Variants in SYDE1 observed in about 807,000 individuals in gnomAD.
SYDE1 encodes the protein rho GTPase-activating protein SYDE1.
SYDE1 carries 34 observed loss-of-function variants against 63.3 expected under a neutral mutation model. The observed-to-expected ratio is 0.54, with a 90% CI of 0.41 to 0.71. SYDE1 has a LOEUF of 0.71. Ranked by LOEUF, SYDE1 falls within the 30% of genes least tolerant of loss-of-function variation. The probability of loss-of-function intolerance (pLI) is 0.00; values close to 1 mark genes in which losing one functional copy is unlikely to be tolerated. For missense variants in SYDE1, 925 were observed against 1,042.5 expected, an observed-to-expected ratio of 0.89 and a Z score of 1.55; for synonymous variants, 467 against 473.4, an observed-to-expected ratio of 0.99 and a Z score of 0.18.
intron 1 of SYDE1, 56 bp downstream of exon 1, chr19:15,107,577 G>T: frequency 7.5e-7 from 1 of 1,332,804 alleles, no homozygotes; most frequent in Non-Finnish European, 1.0e-6. Context: ...GCCTGGGAGC[G>T]GGGTCCCAGG....
rs1160661116 is a variant in SYDE1, at chr19:15,111,869, C to T, written c.1578+77C>T. On this transcript the variant is annotated intron_variant, in intron 6 of 7. Transcript: ENST00000342784. This position sits in a 1 kb window ranked among gnomAD's most constrained non-coding sequence, Gnocchi z 5.5. ...TAGAATGTTTCACCCATGCCTGGGCCTGAGATGGGCATGAGCTGGCAGCAT... is the reference window on the plus strand; with the variant it reads ...TAGAATGTTTCACCCATGCCTGGGCTTGAGATGGGCATGAGCTGGCAGCAT... The T allele has an allele frequency of 1.0e-5, 14 of 1,394,430 alleles. No individual in the cohort carries two copies. The highest frequency in any genetic ancestry group is 2.9e-5 in the African/African-American group (2 of 69,138). 86.4% of individuals were successfully genotyped at this position (1,394,430 alleles called of 1,614,324 possible).
rs1341442437 is a variant in SYDE1 at position 15,113,580 on chromosome 19, T to C, written c.1825T>C (p.Ser609Pro). The part of the protein sequence containing the change: ...SWPDPRLPRQ[S>P]PDVAPYLRPK... ...TTCAGATCCCCGCCTGCCCCGACAA[T>C]CTCCAGATGTCGCGCCTTACTTGCG... The change falls in exon 8 of 8, where the codon TCT (serine) becomes CCT (proline). Residue 609 changes from serine (S) to proline (P), a missense_variant. Transcript: ENST00000342784. 7 of 1,567,166 alleles carry C rather than the reference T, an allele frequency of 4.5e-6. 1 individual carries two copies. In the South Asian group the frequency reaches 7.1e-5, roughly 16 times the overall value.
At chr19:15,113,410 T>G in intron 7 of SYDE1, 150 bp from the exon 8 acceptor site, 1 of 889,268 alleles carries the variant, frequency 1.1e-6, no homozygotes, top group Non-Finnish European at 1.7e-6. Flanking sequence ...AGAGGCCTAG[T>G]TGCGTAAGCA....
Position 15,112,556 on chromosome 19 carries a change from C to G in SYDE1, c.1789C>G (p.Leu597Val), listed in dbSNP as rs1438212293. ...KHHIEVLHYL[L>V]QSWPDPRLPR... Reference sequence around the variant, plus strand: ...CCACATCGAGGTGCTGCACTACCTGCTGCAGTCTTGGCCAGGTGAGTTCAT... The same window carrying G: ...CCACATCGAGGTGCTGCACTACCTGGTGCAGTCTTGGCCAGGTGAGTTCAT... Residue 597 changes from leucine (L) to valine (V), a missense_variant, in exon 7 of 8, where the codon CTG becomes GTG. Physicochemically the swap from Leu to Val is conservative, Grantham distance 32 (BLOSUM62 1). Transcript: ENST00000342784. 2 of 1,584,110 alleles carry G rather than the reference C, an allele frequency of 1.3e-6. No homozygotes were observed. Among genetic ancestry groups the G allele is most frequent in the Non-Finnish European group, 1.7e-6 (2 of 1,164,484 alleles).
At position 15,113,710 on chromosome 19, in the gene SYDE1, C is replaced by T; in HGVS notation, c.1955C>T (p.Ala652Val). ...GAAAGCCCCCCGAGCAACCGCTACGCCGGCGACTGGAGCGTTTGCGGGCGG... is the reference window on the plus strand; with the variant it reads ...GAAAGCCCCCCGAGCAACCGCTACGTCGGCGACTGGAGCGTTTGCGGGCGG... ...GPESPPSNRY[A>V]GDWSVCGRDF... Residue 652 changes from alanine to valine, a missense_variant, in exon 8 of 8, where the codon GCC becomes GTC. This residue lies in a region of SYDE1 where 255 missense variants were observed against 255.9 expected (regional missense o/e 1.00). Transcript: ENST00000342784. The T allele has an allele frequency of 6.2e-7, 1 of 1,613,556 alleles. No individual in the cohort carries two copies. The highest frequency in any genetic ancestry group is 8.5e-7 in the Non-Finnish European group (1 of 1,179,842).
At position 15,112,541 on chromosome 19, in the gene SYDE1, G is replaced by T; in HGVS notation, c.1774G>T (p.Val592Leu). The change falls in exon 7 of 8, where the codon GTG (valine) becomes TTG (leucine). Residue 592 changes from valine to leucine, a missense_variant. Transcript: ENST00000342784. ...AGTGGACTTCAAGCACCACATCGAG[G>T]TGCTGCACTACCTGCTGCAGTCTTG... is the stretch of plus-strand genomic sequence containing the variant. ...SAVDFKHHIE[V>L]LHYLLQSWPD... The T allele has an allele frequency of 6.3e-7, 1 of 1,596,490 alleles. No homozygotes were observed. Among genetic ancestry groups the T allele is most frequent in the Non-Finnish European group, 8.5e-7 (1 of 1,171,486 alleles).
In SYDE1 at chr19:15,112,435, C is replaced by T. The variant is rs771220965; in HGVS notation, c.1668C>T (p.Cys556=). 4.4e-6 allele frequency: 7 copies of T among 1,601,922 alleles called. No individual in the cohort carries two copies. Among genetic ancestry groups the T allele is most frequent in the Non-Finnish European group, 6.0e-6 (7 of 1,174,782 alleles). ...TGACCCCACAGAACTTGGCCGTGTG[C>T]TTCGGGCCTGTGCTGCTGCCGGCAC... is the stretch of plus-strand genomic sequence containing the variant. ...NRMTPQNLAV[C]FGPVLLPARQ... The change falls in exon 7 of 8, where the codon TGC becomes TGT. Residue 556 remains cysteine (C), a synonymous_variant. Transcript: ENST00000342784.
rs977801834 is a variant in SYDE1, at chr19:15,112,376, C to T, written c.1609C>T (p.Arg537Cys). 1.6e-5 allele frequency: 25 copies of T among 1,583,418 alleles called. No homozygotes were observed. Among genetic ancestry groups the T allele is most frequent in the South Asian group, 1.2e-4 (10 of 86,756 alleles). Residue 537 changes from arginine to cysteine, a missense_variant, in exon 7 of 8, where the codon CGC becomes TGC. Transcript: ENST00000342784. The part of the protein sequence containing the change: ...ATLTLLLDHL[R>C]LVSSFHAYNR... ...GCTGACGCTTCTCCTGGACCACCTG[C>T]GCCTCGTCTCCTCCTTCCATGCCTA... is the stretch of plus-strand genomic sequence containing the variant.
At chr19:15,113,335 A>T (rs2046357967) in intron 7 of SYDE1, among the ~76,000 whole-genome samples, 3 of 152,182 alleles carry the variant, frequency 2.0e-5, no homozygotes, top group African/African-American at 7.2e-5. Context: ...TCCAGGCATG[A>T]TCCACAGACC....
chr19:15,109,346 C>G lies in SYDE1; in HGVS notation c.379C>G (p.Pro127Ala). The G allele has an allele frequency of 6.3e-7, 1 of 1,594,916 alleles. No homozygotes were observed. The highest frequency in any genetic ancestry group is 1.7e-4 in the Middle Eastern group (1 of 5,946). Residue 127 changes from proline (P) to alanine (A), a missense_variant, in exon 2 of 8, where the codon CCC (proline) becomes GCC (alanine). By Grantham distance (27) the Pro-to-Ala change is conservative. This residue lies in a region of SYDE1 where 599 missense variants were observed against 653.7 expected (regional missense o/e 0.92). Coordinates refer to ENST00000342784, the MANE Select transcript of SYDE1 (RefSeq NM_033025.6). The surrounding 1 kb of genome is among the most constrained non-coding windows in gnomAD (Gnocchi z 5.0). ...EEDPRPPAPE[P>A]PGPQPGSAES... ...AGACCCCAGACCTCCAGCACCTGAG[C>G]CCCCGGGGCCACAGCCTGGCTCAGC...
chr19:15,111,451 C>T lies in SYDE1; in HGVS notation c.1417+12C>T. On this transcript the variant is annotated intron_variant, in intron 5 of 7. Transcript: ENST00000342784. This position sits in a 1 kb window ranked among gnomAD's most constrained non-coding sequence, Gnocchi z 5.5. ...CAATGTCATCACTGGTCAGCATGGC[C>T]CCCTCTCCCCTGCCTGCTCACCCCC... The T allele has an allele frequency of 6.2e-7, 1 of 1,613,252 alleles. No individual in the cohort carries two copies. The highest frequency in any genetic ancestry group is 8.5e-7 in the Non-Finnish European group (1 of 1,179,416).
rs757866885 is a variant in SYDE1 at position 15,113,775 on chromosome 19, G to A, written c.2020G>A (p.Asp674Asn). The change falls in exon 8 of 8, where the codon GAC (aspartate) becomes AAC (asparagine). Residue 674 changes from aspartate to asparagine, a missense_variant. By Grantham distance (23) the Asp-to-Asn change is conservative. This residue lies in a region of SYDE1 where 255 missense variants were observed against 255.9 expected (regional missense o/e 1.00). Coordinates refer to ENST00000342784, the MANE Select transcript of SYDE1 (RefSeq NM_033025.6). ...PCGRDFLSGPDYDHVTGSDSE... is the reference protein window; with the variant it reads ...PCGRDFLSGPNYDHVTGSDSE... ...TGGGCGGGATTTCCTGTCCGGGCCA[G>A]ACTACGACCACGTGACGGGCAGTGA... 2 of 1,614,042 alleles carry A rather than the reference G, an allele frequency of 1.2e-6. No individual in the cohort carries two copies. The highest frequency in any genetic ancestry group is 2.2e-5 in the East Asian group (1 of 44,898).
Position 15,113,550 on chromosome 19 carries a change from C to T in SYDE1, c.1805-10C>T. On this transcript the variant is annotated splice_polypyrimidine_tract_variant and intron_variant, in intron 7 of 7. Coordinates refer to ENST00000342784, the MANE Select transcript of SYDE1 (RefSeq NM_033025.6). ...CGCCTCTTTCTATGACCTACCCTGT[C>T]TCCCTTCAGATCCCCGCCTGCCCCG... 1 of 1,535,484 alleles carries T rather than the reference C, an allele frequency of 6.5e-7. No homozygotes were observed. Among genetic ancestry groups the T allele is most frequent in the Non-Finnish European group, 8.8e-7 (1 of 1,142,658 alleles).
rs1599326928 is a variant in SYDE1 at position 15,113,958 on chromosome 19, C to A, written c.2203C>A (p.Leu735Ile). ...RELSKQINVC[L>I] is the part of the protein sequence containing the mutation. ...GCTCTCCAAGCAAATCAACGTGTGCCTCTGAGCCAGATGACGGGGTGGGAC... is the reference window on the plus strand; with the variant it reads ...GCTCTCCAAGCAAATCAACGTGTGCATCTGAGCCAGATGACGGGGTGGGAC... The change falls in exon 8 of 8, where the codon CTC becomes ATC. Residue 735 changes from leucine (L) to isoleucine (I), a missense_variant. Physicochemically the swap from Leu to Ile is conservative, Grantham distance 5 (BLOSUM62 2). This residue lies in a region of SYDE1 where 255 missense variants were observed against 255.9 expected (regional missense o/e 1.00). Transcript: ENST00000342784. 1 of 1,609,800 alleles carries A rather than the reference C, an allele frequency of 6.2e-7. No individual in the cohort carries two copies. The highest frequency in any genetic ancestry group is 2.2e-5 in the East Asian group (1 of 44,784).
At position 15,110,214 on chromosome 19, in the gene SYDE1, G is replaced by A. The variant is rs1430949415; in HGVS notation, c.941G>A (p.Arg314Gln). 3.5e-6 allele frequency: 5 copies of A among 1,417,246 alleles called. No individual in the cohort carries two copies. In the Admixed American group the frequency reaches 1.3e-4, roughly 36 times the overall value. 87.8% of individuals were successfully genotyped at this position (1,417,246 alleles called of 1,614,324 possible). ...CTGCGAGGGGGGCCGGACTTCCTGC[G>A]GCTGGACCACACCTTCCACCTGGAG... ...GPLRGGPDFL[R>Q]LDHTFHLELE... The change falls in exon 3 of 8, where the codon CGG (arginine) becomes CAG (glutamine). Residue 314 changes from arginine to glutamine, a missense_variant. Arg to Gln is a conservative substitution (Grantham distance 43). This residue lies in a region of SYDE1 where 599 missense variants were observed against 653.7 expected (regional missense o/e 0.92). Transcript: ENST00000342784. The surrounding 1 kb of genome is among the most constrained non-coding windows in gnomAD (Gnocchi z 6.9).
chr19:15,112,405 C>G lies in SYDE1; in HGVS notation c.1638C>G (p.Asn546Lys). Residue 546 changes from asparagine (N) to lysine (K), a missense_variant, in exon 7 of 8, where the codon AAC becomes AAG. Coordinates refer to ENST00000342784, the MANE Select transcript of SYDE1 (RefSeq NM_033025.6). Reference sequence around the variant, plus strand: ...TCGTCTCCTCCTTCCATGCCTACAACCGCATGACCCCACAGAACTTGGCCG... The same window carrying G: ...TCGTCTCCTCCTTCCATGCCTACAAGCGCATGACCCCACAGAACTTGGCCG... ...LRLVSSFHAYNRMTPQNLAVC... is the reference protein window; with the variant it reads ...LRLVSSFHAYKRMTPQNLAVC... 6.3e-7 allele frequency: 1 copy of G among 1,599,162 alleles called. No individual in the cohort carries two copies. The highest frequency in any genetic ancestry group is 8.5e-7 in the Non-Finnish European group (1 of 1,173,188).
In SYDE1 at chr19:15,108,623, G is replaced by A. The variant is rs984220602; in HGVS notation, c.89-433G>A. On this transcript the variant is annotated intron_variant, in intron 1 of 7. Coordinates refer to ENST00000342784, the MANE Select transcript of SYDE1 (RefSeq NM_033025.6). The surrounding 1 kb of genome is among the most constrained non-coding windows in gnomAD (Gnocchi z 4.3). ...TGTATACTTTTCCAAAAGGCTCCTG[G>A]AAGCCTCCCTGGACATGGAAATCAC... Among the ~76,000 whole-genome samples the A allele has an allele frequency of 1.3e-5, 2 of 152,184 alleles. No individual in the cohort carries two copies. The highest frequency in any genetic ancestry group is 2.9e-5 in the Non-Finnish European group (2 of 68,034).
In SYDE1 at chr19:15,110,108, C is replaced by T; in HGVS notation, c.835C>T (p.Arg279Trp). 2 of 1,414,682 alleles carry T rather than the reference C, an allele frequency of 1.4e-6. No homozygotes were observed. The highest frequency in any genetic ancestry group is 1.5e-5 in the South Asian group (1 of 65,924). 87.6% of individuals were successfully genotyped at this position (1,414,682 alleles called of 1,614,324 possible). The change falls in exon 3 of 8, where the codon CGG becomes TGG. Residue 279 changes from arginine (R) to tryptophan (W), a missense_variant. Around this residue, in one of 3 missense-constraint regions of SYDE1, gnomAD observed 599 missense variants for 653.7 expected, o/e 0.92. Coordinates refer to ENST00000342784, the MANE Select transcript of SYDE1 (RefSeq NM_033025.6). The surrounding 1 kb of genome is among the most constrained non-coding windows in gnomAD (Gnocchi z 6.9). The part of the protein sequence containing the change: ...SLHLYGLGGL[R>W]PAPGATPRDL... Reference sequence around the variant, plus strand: ...GCACCTGTACGGTCTCGGGGGGCTGCGGCCAGCGCCGGGGGCCACCCCCAG... The same window carrying T: ...GCACCTGTACGGTCTCGGGGGGCTGTGGCCAGCGCCGGGGGCCACCCCCAG...
chr19:15,111,421 G>A lies in SYDE1; in HGVS notation c.1399G>A (p.Asp467Asn), dbSNP rs552391083. The A allele has an allele frequency of 1.9e-6, 3 of 1,614,012 alleles. No homozygotes were observed. Among genetic ancestry groups the A allele is most frequent in the East Asian group, 2.2e-5 (1 of 44,870 alleles). The change falls in exon 5 of 8, where the codon GAT becomes AAT. Residue 467 changes from aspartate to asparagine, a missense_variant. By Grantham distance (23) the Asp-to-Asn change is conservative. Around this residue, in one of 3 missense-constraint regions of SYDE1, gnomAD observed 71 missense variants for 132.8 expected, o/e 0.53. Transcript: ENST00000342784. This position sits in a 1 kb window ranked among gnomAD's most constrained non-coding sequence, Gnocchi z 5.5. Reference sequence around the variant, plus strand: ...CTGCCTATCTGAGGACCTGTACCCCGATATCAATGTCATCACTGGTCAGCA... The same window carrying A: ...CTGCCTATCTGAGGACCTGTACCCCAATATCAATGTCATCACTGGTCAGCA... ...AVCLSEDLYP[D>N]INVITGILKD...
Sources: gnomAD v4.1 joint callset for allele counts (sites outside exome capture counted in the v4.1 genomes callset) on GRCh38, gnomAD v4.1.1 for gene constraint, gnomAD v4.1.1 regional missense constraint, Gnocchi (gnomAD v3.1) non-coding constraint, MANE v1.5 for transcripts, NCBI Gene and HGNC (gene_info 2026-07-23, HGNC 2026-07-21) for gene names.